SGCD: variants seen among roughly 807,000 people sequenced by gnomAD.
SGCD encodes sarcoglycan delta, also known as delta-sarcoglycan.
Under a neutral mutation model 36.6 loss-of-function variants are expected in SGCD, and 18 were observed. The ratio of observed to expected loss-of-function variants is 0.49; its 90% CI spans 0.34 to 0.73. SGCD has a LOEUF of 0.73. Ranked by LOEUF, SGCD falls within the 30% of genes least tolerant of loss-of-function variation. The probability of loss-of-function intolerance (pLI) is 0.01; values close to 1 mark genes in which losing one functional copy is unlikely to be tolerated. For synonymous variants in SGCD, 133 were observed against 130.6 expected, an observed-to-expected ratio of 1.02 and a Z score of -0.12; for missense variants, 387 against 346.7, an observed-to-expected ratio of 1.12 and a Z score of -0.92.
At chr5:156,016,935 T>C (rs768849493) in intron 1 of SGCD, among the ~76,000 whole-genome samples, 9 of 152,198 alleles carry the variant, frequency 5.9e-5, no homozygotes, top group Non-Finnish European at 1.2e-4. Flanking sequence ...ATGTGATTGC[T>C]GGATCAAACA....
At chr5:155,728,944 G>T in the SGCD span, among the ~76,000 whole-genome samples, 11,589 of 152,324 alleles carry the variant, frequency 0.076, 530 homozygotes, top group African/African-American at 0.12. Flanking sequence ...GACTCCGCGC[G>T]CACCAGTCGG....
intron 7 of SGCD, among the ~76,000 whole-genome samples, chr5:156,743,319 C>T (rs911023318): frequency 1.3e-5 from 2 of 152,092 alleles, no homozygotes; most frequent in South Asian, 2.1e-4. Context: ...ACCATGTTGG[C>T]CAGGCTGATT....
chr5:155,969,779 C>G, intron 1 of SGCD, among the ~76,000 whole-genome samples: 1 of 152,070 alleles, frequency 6.6e-6, no homozygotes, highest in East Asian at 1.9e-4. Flanking sequence ...ACCTCCTACC[C>G]AGTGGGTCAT....
intron 3 of SGCD, among the ~76,000 whole-genome samples, chr5:156,268,768 T>C (rs1442849691): frequency 6.6e-6 from 1 of 152,090 alleles, no homozygotes; most frequent in East Asian, 1.9e-4. Context: ...AATTTTTGTG[T>C]TTTATAGTAG....
intron 7 of SGCD, among the ~76,000 whole-genome samples, chr5:156,655,220 C>T (rs1259377883): frequency 6.6e-6 from 1 of 152,114 alleles, no homozygotes; most frequent in Non-Finnish European, 1.5e-5. Flanking sequence ...CTTACCTAAT[C>T]AAACATGAGA....
chr5:155,815,825 A>G, the SGCD span, among the ~76,000 whole-genome samples: 8,172 of 152,240 alleles, frequency 0.054, 496 homozygotes, highest in African/African-American at 0.15. Context: ...TTACAATTCT[A>G]CATGAGATTT....
chr5:156,595,170 T>G, intron 6 of SGCD, 119 bp downstream of exon 6: 1 of 1,202,522 alleles, frequency 8.3e-7, no homozygotes. Flanking sequence ...AAATCCTAAC[T>G]CCCAAGATAA....
intron 7 of SGCD, among the ~76,000 whole-genome samples, chr5:156,697,454 C>T (rs1754364225): frequency 2.0e-5 from 3 of 152,114 alleles, no homozygotes; most frequent in South Asian, 4.1e-4. Flanking sequence ...CACTCCTTGC[C>T]CCTCTCCCCC....
chr5:156,372,107 G>C (rs571437529), intron 3 of SGCD, among the ~76,000 whole-genome samples: 38 of 152,280 alleles, frequency 2.5e-4, no homozygotes, highest in Admixed American at 1.2e-3. Flanking sequence ...GGACATAAGT[G>C]AATTGACAGT....
At chr5:156,287,522 G>A (rs1170781743) in intron 3 of SGCD, among the ~76,000 whole-genome samples, 2 of 152,048 alleles carry the variant, frequency 1.3e-5, no homozygotes, top group Non-Finnish European at 2.9e-5. Flanking sequence ...AAAGAAATAG[G>A]TGGTAGGTCA....
intron 3 of SGCD, among the ~76,000 whole-genome samples, chr5:156,246,315 C>T (rs1765436641): frequency 1.3e-5 from 2 of 152,118 alleles, no homozygotes; most frequent in Non-Finnish European, 2.9e-5. Flanking sequence ...ACATTTTCAT[C>T]TTTGCCACAC....
intron 3 of SGCD, among the ~76,000 whole-genome samples, chr5:156,427,440 G>A (rs187834874): frequency 6.6e-6 from 1 of 152,066 alleles, no homozygotes; most frequent in Admixed American, 6.6e-5. Flanking sequence ...AGCTTTTTGA[G>A]TGAGTCTTTA....
the SGCD span, among the ~76,000 whole-genome samples, chr5:155,729,006 A>G: frequency 3.2e-4 from 48 of 152,348 alleles, no homozygotes; most frequent in South Asian, 3.1e-3. Context: ...TAGGCCGCTA[A>G]TGGAGGCCCC....
intron 3 of SGCD, among the ~76,000 whole-genome samples, chr5:156,126,773 G>A (rs746869193): frequency 6.6e-6 from 1 of 152,216 alleles, no homozygotes; most frequent in Non-Finnish European, 1.5e-5. Flanking sequence ...TAAAGCTCCT[G>A]TATGAACATT....
chr5:156,051,766 G>T (rs1439539132), intron 1 of SGCD, among the ~76,000 whole-genome samples: 2 of 145,844 alleles, frequency 1.4e-5, no homozygotes, highest in African/African-American at 4.9e-5. Context: ...GGCTTAGGAA[G>T]GAGATTGAAG....
chr5:155,794,956 A>G, the SGCD span, among the ~76,000 whole-genome samples: 1 of 152,162 alleles, frequency 6.6e-6, no homozygotes, highest in African/African-American at 2.4e-5. Context: ...GCCAAGAAAA[A>G]TATGACTTAT....
intron 4 of SGCD, among the ~76,000 whole-genome samples, chr5:156,583,188 CTG>C (rs1345775441): frequency 6.6e-6 from 1 of 152,200 alleles, no homozygotes; most frequent in African/African-American, 2.4e-5. Context: ...GCAATGCCAA[CTG>C]TGCACCCTAA....
At chr5:156,069,052 A>G (rs1323851589) in intron 1 of SGCD, among the ~76,000 whole-genome samples, 3 of 151,754 alleles carry the variant, frequency 2.0e-5, no homozygotes, top group Non-Finnish European at 4.4e-5. Context: ...GATTGCAAAA[A>G]TTTTCTCCCA....
At chr5:156,324,686 G>GT (rs920297466), upstream of SGCD, among the ~76,000 whole-genome samples, 7 of 151,592 alleles carry the variant, frequency 4.6e-5, no homozygotes, top group East Asian at 1.9e-4. Flanking sequence ...ATCAGCTTGA[G>GT]TTTTTTTTAA....
Sources: gnomAD v4.1 joint callset for allele counts (sites outside exome capture counted in the v4.1 genomes callset) on GRCh38, gnomAD v4.1.1 for gene constraint, MANE v1.5 for transcripts, NCBI Gene and HGNC (gene_info 2026-07-23, HGNC 2026-07-21) for gene names.